CPVL: variants seen among roughly 807,000 people sequenced by gnomAD.
CPVL encodes probable serine carboxypeptidase CPVL.
Under a neutral mutation model 63.7 loss-of-function variants are expected in CPVL, and 51 were observed. The observed-to-expected ratio is 0.80, with a 90% CI of 0.64 to 1.01. CPVL has a LOEUF of 1.01. Among genes scored for constraint, CPVL ranks in the 50% least tolerant of loss-of-function variants. The pLI is 0.00. For synonymous variants in CPVL, 195 were observed against 206.0 expected (o/e 0.95, Z 0.46); for missense variants, 530 against 573.1 (o/e 0.92, Z 0.77).
rs751839329 is a variant in CPVL, at chr7:29,071,878, C to G, written c.759G>C (p.Leu253=). ...TCTCATCCAACAAGCCAATTTGGTA[C>G]AGGAATTCTGCATAGCCCCCTATAA... ...ESIIGGYAEF[L]YQIGLLDEKQ... The change falls in exon 9 of 13, where the codon CTG becomes CTC. Residue 253 remains leucine (L), a synonymous_variant. Coordinates refer to ENST00000265394, the MANE Select transcript of CPVL (RefSeq NM_031311.5). 7 of 1,614,124 alleles carry G rather than the reference C, an allele frequency of 4.3e-6. No individual in the cohort carries two copies. The highest frequency in any genetic ancestry group is 1.7e-5 in the Admixed American group (1 of 60,026).
chr7:29,081,718 T>C (rs982876631), intron 7 of CPVL, among the ~76,000 whole-genome samples: 3 of 152,232 alleles, frequency 2.0e-5, no homozygotes, highest in Admixed American at 2.0e-4. Flanking sequence ...TTAGGCTGTA[T>C]GCTTGGGAGT....
chr7:29,039,204 T>A (rs1788829443), intron 11 of CPVL, among the ~76,000 whole-genome samples: 1 of 152,210 alleles, frequency 6.6e-6, no homozygotes, highest in Non-Finnish European at 1.5e-5. Flanking sequence ...AATTTCAGGT[T>A]CTAGATGCAC....
chr7:29,098,168 G>C (rs1451933755), intron 3 of CPVL, among the ~76,000 whole-genome samples: 1 of 152,222 alleles, frequency 6.6e-6, no homozygotes, highest in African/African-American at 2.4e-5. Flanking sequence ...CTGAGTGGAT[G>C]CGTTCCATTG....
Position 29,112,783 on chromosome 7 carries a change from T to A in CPVL, c.209A>T (p.Asn70Ile), listed in dbSNP as rs1260441736. Residue 70 changes from asparagine (N) to isoleucine (I), a missense_variant, in exon 3 of 13, where the codon AAC becomes ATC. Coordinates refer to ENST00000265394, the MANE Select transcript of CPVL (RefSeq NM_031311.5). ...GAGGAAGCCGGCATAACTCTTCATG[T>A]TCAGTCCTGGGAAAGGGCCGACCAA... is the stretch of plus-strand genomic sequence containing the variant. ...LSLVGPFPGL[N>I]MKSYAGFLTV... 1 of 1,613,930 alleles carries A rather than the reference T, an allele frequency of 6.2e-7. No homozygotes were observed.
chr7:29,075,516 T>C (rs160836), intron 7 of CPVL, among the ~76,000 whole-genome samples: 132,159 of 140,402 alleles, frequency 0.94, 62,532 homozygotes, highest in South Asian at 0.99. Flanking sequence ...AGAAGATACT[T>C]CTTAAAAAAA....
Position 29,099,433 on chromosome 7 carries a change from T to A in CPVL, c.289-3216A>T, listed in dbSNP as rs559642823. On this transcript the variant is annotated intron_variant, in intron 3 of 12. Transcript: ENST00000265394. ...TTGTTTTATAAGTCAAAGCAGAGGC[T>A]GGGTATGGTGGCGCATGCCTATGAT... is the stretch of plus-strand genomic sequence containing the variant. Among the ~76,000 whole-genome samples, 22 of 152,216 alleles carry A rather than the reference T, an allele frequency of 1.4e-4. No individual in the cohort carries two copies. The South Asian group carries it at 3.3e-3, about 23-fold the overall frequency.
At position 29,015,217 on chromosome 7, in the gene CPVL, G is replaced by A. The variant is rs1409961206; in HGVS notation, c.1320+15360C>T. Among the ~76,000 whole-genome samples, 3 of 152,176 alleles carry A rather than the reference G, an allele frequency of 2.0e-5. No individual in the cohort carries two copies. In the East Asian group the frequency reaches 5.8e-4, roughly 29 times the overall value. ...ATTTAGGGAACAAGTATTCTATGGT[G>A]GTTAGCATGTGCTGCCAAATATTCT... On this transcript the variant is annotated intron_variant, in intron 12 of 12. Transcript: ENST00000265394.
chr7:29,048,679 A>G (rs1389810325), intron 11 of CPVL, among the ~76,000 whole-genome samples: 4 of 152,136 alleles, frequency 2.6e-5, no homozygotes, highest in African/African-American at 9.6e-5. Flanking sequence ...CTTGGAAAAA[A>G]CAGATATATA....
At chr7:29,143,929 T>C (rs566611475) in intron 1 of CPVL, among the ~76,000 whole-genome samples, 6 of 152,344 alleles carry the variant, frequency 3.9e-5, no homozygotes, top group African/African-American at 1.4e-4. Context: ...CTCAATACCC[T>C]GGTTTCAGTT....
chr7:29,026,264 G>C (rs1181166481), intron 12 of CPVL, among the ~76,000 whole-genome samples: 1 of 152,046 alleles, frequency 6.6e-6, no homozygotes, highest in African/African-American at 2.4e-5. Flanking sequence ...AACATTTCTT[G>C]AAACAAATGA....
At chr7:29,077,958 C>T (rs1309302193) in intron 7 of CPVL, among the ~76,000 whole-genome samples, 1 of 152,150 alleles carries the variant, frequency 6.6e-6, no homozygotes, top group African/African-American at 2.4e-5. Flanking sequence ...ATTATTTTCT[C>T]TGAAGAGAGA....
intron 9 of CPVL, among the ~76,000 whole-genome samples, chr7:29,068,374 C>T (rs908971070): frequency 9.9e-5 from 15 of 152,136 alleles, no homozygotes; most frequent in African/African-American, 3.6e-4. Flanking sequence ...TGCCATGGGG[C>T]TAGAGGCCAA....
exon 4 of CPVL, chr7:29,184,513 T>TG (rs1172959253): frequency 6.6e-6 from 1 of 152,146 alleles, no homozygotes; most frequent in Non-Finnish European, 1.5e-5. Flanking sequence ...GACAGCAGGC[T>TG]GGAACCCCAG....
At chr7:29,139,083 A>C (rs973554532) in intron 1 of CPVL, among the ~76,000 whole-genome samples, 1 of 152,196 alleles carries the variant, frequency 6.6e-6, no homozygotes, top group Non-Finnish European at 1.5e-5. Context: ...GAGACTAAAA[A>C]ATAGGGAGAA....
chr7:29,029,720 T>A (rs971159095), intron 12 of CPVL, among the ~76,000 whole-genome samples: 2 of 152,096 alleles, frequency 1.3e-5, no homozygotes, highest in African/African-American at 4.8e-5. Context: ...AAGGAATAAA[T>A]TCTAGTGTTC....
At position 29,064,108 on chromosome 7, in the gene CPVL, C is replaced by T. The variant is rs778420273; in HGVS notation, c.1090G>A (p.Val364Ile). Reference sequence around the variant, plus strand: ...GTTAACCATGGCTTAACTGACTGTACTGTATCTTCTCGCAAGTACTTTTCA... The same window carrying T: ...GTTAACCATGGCTTAACTGACTGTATTGTATCTTCTCGCAAGTACTTTTCA... Reference protein sequence around the residue: ...IVEKYLREDTVQSVKPWLTEI... With the variant: ...IVEKYLREDTIQSVKPWLTEI... The change falls in exon 11 of 13, where the codon GTA becomes ATA. Residue 364 changes from valine (V) to isoleucine (I), a missense_variant. Physicochemically the swap from Val to Ile is conservative, Grantham distance 29. Coordinates refer to ENST00000265394, the MANE Select transcript of CPVL (RefSeq NM_031311.5). 3 of 1,612,988 alleles carry T rather than the reference C, an allele frequency of 1.9e-6. No homozygotes were observed. Among genetic ancestry groups the T allele is most frequent in the Non-Finnish European group, 1.7e-6 (2 of 1,179,072 alleles).
intron 5 of CPVL, among the ~76,000 whole-genome samples, chr7:29,154,134 A>G (rs1238383291): frequency 6.6e-6 from 1 of 152,144 alleles, no homozygotes; most frequent in African/African-American, 2.4e-5. Flanking sequence ...TTGTCACCAC[A>G]TCACAGCCTC....
At chr7:29,167,034 A>C (rs1441283154) in intron 5 of CPVL, among the ~76,000 whole-genome samples, 3 of 152,184 alleles carry the variant, frequency 2.0e-5, no homozygotes, top group Admixed American at 1.3e-4. Context: ...AAGTTAAAGA[A>C]TAATAACAAA....
chr7:29,097,259 T>C (rs1365003753), intron 3 of CPVL, among the ~76,000 whole-genome samples: 2 of 152,204 alleles, frequency 1.3e-5, no homozygotes, highest in Non-Finnish European at 2.9e-5. Context: ...TTTCAACTAT[T>C]TCATTCAATG....
Sources: allele counts gnomAD v4.1 joint callset (sites outside exome capture counted in the v4.1 genomes callset), GRCh38; gene constraint gnomAD v4.1.1; transcripts MANE v1.5; gene names NCBI Gene and HGNC (gene_info 2026-07-23, HGNC 2026-07-21).